Variants in SEMA3A observed in about 807,000 individuals in gnomAD.
The protein encoded by SEMA3A is semaphorin-3A.
A neutral mutation model predicts 97.9 loss-of-function variants in SEMA3A; 29 were observed. The ratio of observed to expected loss-of-function variants is 0.30; its 90% confidence interval spans 0.22 to 0.40. The LOEUF (loss-of-function observed/expected upper bound fraction) is 0.40. Ranked by LOEUF, SEMA3A falls within the 10% of genes least tolerant of loss-of-function variation. SEMA3A has a pLI of 1.00. For missense variants in SEMA3A, 763 were observed against 951.3 expected, an observed-to-expected ratio of 0.80 and a Z score of 2.60; for synonymous variants, 321 against 323.7, an observed-to-expected ratio of 0.99 and a Z score of 0.09.
intron 2 of SEMA3A, among the ~76,000 whole-genome samples, chr7:84,333,582 C>T (rs1334363811): frequency 6.6e-6 from 1 of 152,116 alleles, no homozygotes; most frequent in Non-Finnish European, 1.5e-5. Context: ...ATATACTCTA[C>T]TTTCCAAAGA....
At chr7:84,189,804 C>T (rs1262713311) in intron 1 of SEMA3A, among the ~76,000 whole-genome samples, 1 of 151,308 alleles carries the variant, frequency 6.6e-6, no homozygotes, top group East Asian at 1.9e-4. Context: ...TAAATCTTTA[C>T]TATAGAATTT....
intron 4 of SEMA3A, among the ~76,000 whole-genome samples, chr7:84,083,610 G>T (rs1049719810): frequency 2.0e-5 from 3 of 151,578 alleles, no homozygotes; most frequent in South Asian, 4.2e-4. Context: ...TCTACCTCCC[G>T]ACTATTCTTC....
At chr7:84,012,103 G>A (rs1285075649) in intron 7 of SEMA3A, among the ~76,000 whole-genome samples, 2 of 152,010 alleles carry the variant, frequency 1.3e-5, no homozygotes, top group African/African-American at 4.8e-5. Flanking sequence ...AAGAGATTTG[G>A]TCCAAGATAT....
At chr7:83,981,188 C>A (rs1213249964) in intron 14 of SEMA3A, 133 bp downstream of exon 14, 3 of 906,238 alleles carry the variant, frequency 3.3e-6, no homozygotes, top group Non-Finnish European at 5.0e-6. Flanking sequence ...ACGCAACAAT[C>A]CCCTCCATCT....
intron 5 of SEMA3A, among the ~76,000 whole-genome samples, chr7:84,055,406 G>A (rs1033806057): frequency 8.5e-5 from 13 of 152,162 alleles, no homozygotes; most frequent in Non-Finnish European, 1.8e-4. Context: ...TAGTCTCCTG[G>A]TGCGCCGTTT....
intron 2 of SEMA3A, among the ~76,000 whole-genome samples, chr7:84,368,588 A>C (rs940923020): frequency 1.3e-5 from 2 of 150,986 alleles, no homozygotes; most frequent in African/African-American, 4.8e-5. Context: ...CATACTGGCC[A>C]TATAATGACC....
At chr7:84,190,581 T>C (rs1423079919) in intron 1 of SEMA3A, among the ~76,000 whole-genome samples, 1 of 151,150 alleles carries the variant, frequency 6.6e-6, no homozygotes, top group East Asian at 1.9e-4. Flanking sequence ...CTAAAAACAT[T>C]CCATTTTAGC....
At chr7:84,393,052 A>C (rs1017270964) in intron 1 of SEMA3A, among the ~76,000 whole-genome samples, 1 of 152,150 alleles carries the variant, frequency 6.6e-6, no homozygotes, top group Non-Finnish European at 1.5e-5. Flanking sequence ...ATTTGGATAT[A>C]ATCGCATTTG....
At chr7:84,465,429 T>C (rs1307285622) in intron 1 of SEMA3A, among the ~76,000 whole-genome samples, 1 of 152,186 alleles carries the variant, frequency 6.6e-6, no homozygotes. Context: ...GATACAATGT[T>C]ATGTAGATCT....
At chr7:84,243,733 T>C (rs1278025479) in intron 3 of SEMA3A, among the ~76,000 whole-genome samples, 1 of 151,830 alleles carries the variant, frequency 6.6e-6, no homozygotes, top group Non-Finnish European at 1.5e-5. Context: ...CCTGTGGGCA[T>C]TTAGTGCTAT....
chr7:84,018,285 C>T (rs1180137406), intron 6 of SEMA3A, among the ~76,000 whole-genome samples: 1 of 152,080 alleles, frequency 6.6e-6, no homozygotes, highest in African/African-American at 2.4e-5. Context: ...AGGTCTCTCA[C>T]TATGTGGTCT....
chr7:84,054,464 T>A (rs1448415001), intron 5 of SEMA3A, among the ~76,000 whole-genome samples: 2 of 152,140 alleles, frequency 1.3e-5, no homozygotes, highest in Non-Finnish European at 2.9e-5. Flanking sequence ...TCATCTTCCA[T>A]CGCTGATACC....
At chr7:84,400,973 C>G (rs963073650) in intron 1 of SEMA3A, among the ~76,000 whole-genome samples, 2 of 152,100 alleles carry the variant, frequency 1.3e-5, no homozygotes, top group African/African-American at 4.8e-5. Flanking sequence ...GAAAAGGTTT[C>G]CTACTTTCAC....
chr7:84,340,233 G>A (rs1381529174), intron 2 of SEMA3A, among the ~76,000 whole-genome samples: 5 of 151,938 alleles, frequency 3.3e-5, no homozygotes, highest in Non-Finnish European at 7.4e-5. Flanking sequence ...ACATTTTCCT[G>A]GGTAGATTTT....
chr7:84,329,789 G>A (rs73189044), intron 2 of SEMA3A, among the ~76,000 whole-genome samples: 10,916 of 152,054 alleles, frequency 0.072, 707 homozygotes, highest in Non-Finnish European at 0.094. Flanking sequence ...GGAACACAGT[G>A]TATAATTTCA....
At chr7:83,979,215 C>T (rs1789294021) in intron 14 of SEMA3A, among the ~76,000 whole-genome samples, 1 of 150,374 alleles carries the variant, frequency 6.7e-6, no homozygotes, top group Non-Finnish European at 1.5e-5. Flanking sequence ...CTCAGTAAAA[C>T]CTCTGCCTCC....
intron 3 of SEMA3A, among the ~76,000 whole-genome samples, chr7:84,210,484 AG>A (rs1562854019): frequency 7.4e-6 from 1 of 135,500 alleles, no homozygotes; most frequent in Non-Finnish European, 1.7e-5. Flanking sequence ...TGTCATTAAC[AG>A]GGTATAAATT....
At chr7:84,282,575 C>G (rs1034843869) in intron 3 of SEMA3A, among the ~76,000 whole-genome samples, 2 of 152,088 alleles carry the variant, frequency 1.3e-5, no homozygotes, top group African/African-American at 4.8e-5. Flanking sequence ...TAACAACCTT[C>G]TCTAAGTCAG....
At chr7:84,462,690 C>T (rs2116391046) in intron 1 of SEMA3A, among the ~76,000 whole-genome samples, 1 of 152,172 alleles carries the variant, frequency 6.6e-6, no homozygotes, top group Non-Finnish European at 1.5e-5. Flanking sequence ...GTGTGAATGC[C>T]TACTCTAGTA....
Sources: allele counts gnomAD v4.1 joint callset (sites outside exome capture counted in the v4.1 genomes callset), GRCh38; gene constraint gnomAD v4.1.1; transcripts MANE v1.5; gene names NCBI Gene and HGNC (gene_info 2026-07-23, HGNC 2026-07-21).